Variants in LOXL3 observed in about 807,000 individuals in gnomAD.
The protein encoded by LOXL3 is lysyl oxidase like 3, also known as lysyl oxidase homolog 3.
Under a neutral mutation model 91.8 loss-of-function variants are expected in LOXL3, and 60 were observed. That is an observed-to-expected ratio of 0.65 (90% CI 0.53 to 0.81). The LOEUF (loss-of-function observed/expected upper bound fraction) is 0.81. Among genes scored for constraint, LOXL3 ranks in the 30% least tolerant of loss-of-function variants. LOXL3 has a pLI of 0.00. For missense variants in LOXL3, 874 were observed against 1,000.4 expected, an observed-to-expected ratio of 0.87 and a Z score of 1.70; for synonymous variants, 355 against 387.6, an observed-to-expected ratio of 0.92 and a Z score of 0.99.
At position 74,532,953 on chromosome 2, in the gene LOXL3, A is replaced by G. The variant is rs760055758; in HGVS notation, c.*653T>C. 11 of 1,613,792 alleles carry G rather than the reference A, an allele frequency of 6.8e-6. No homozygotes were observed. The African/African-American group carries it at 1.3e-4, about 20-fold the overall frequency. ...GATCCGGCGGGGACGAGAAACACTG[A>G]CCTTATATGTGACCCCTGAGGTCAC... is the stretch of plus-strand genomic sequence containing the variant. On this transcript the variant is annotated 3_prime_UTR_variant, in exon 14 of 14. Transcript: ENST00000264094.
At chr2:74,534,908 T>G in intron 9 of LOXL3, 134 bp from the exon 10 acceptor site, 1 of 1,063,388 alleles carries the variant, frequency 9.4e-7, no homozygotes, top group Non-Finnish European at 1.3e-6. Flanking sequence ...AGATGGAGTC[T>G]CACTCTGTTG....
chr2:74,534,374 G>A lies in LOXL3; in HGVS notation c.1881C>T (p.Thr627=). 6.2e-7 allele frequency: 1 copy of A among 1,614,236 alleles called. No individual in the cohort carries two copies. The highest frequency in any genetic ancestry group is 8.5e-7 in the Non-Finnish European group (1 of 1,180,032). The change falls in exon 11 of 14, where the codon ACC becomes ACT. Residue 627 remains threonine (T), a synonymous_variant. Transcript: ENST00000264094. The stretch of plus-strand genomic sequence containing the variant: ...TAGCTTTGTGGCCCTCAGCCACCTT[G>A]GTGCCATTTGGGGTGAGGATATCAT... ...THYDILTPNG[T]KVAEGHKASF...
At chr2:74,547,224 G>C (rs909498118) in intron 4 of LOXL3, among the ~76,000 whole-genome samples, 4 of 152,076 alleles carry the variant, frequency 2.6e-5, no homozygotes, top group Non-Finnish European at 4.4e-5. Context: ...TCATTATGTT[G>C]CCCAGGCTGG....
At chr2:74,543,681 A>C (rs1676443213) in intron 4 of LOXL3, among the ~76,000 whole-genome samples, 1 of 151,970 alleles carries the variant, frequency 6.6e-6, no homozygotes, top group South Asian at 2.1e-4. Flanking sequence ...TCCTGAGGTC[A>C]GGAGATCAAG....
rs765772693 is a variant in LOXL3 at position 74,549,403 on chromosome 2, G to A, written c.658C>T (p.Pro220Ser). 2 of 1,611,190 alleles carry A rather than the reference G, an allele frequency of 1.2e-6. No individual in the cohort carries two copies. The highest frequency in any genetic ancestry group is 1.7e-6 in the Non-Finnish European group (2 of 1,178,544). ...SHVVCGMLGF[P>S]SEKRVNAAFY... Reference sequence around the variant, plus strand: ...GCCGCGTTGACCCTCTTTTCGCTGGGGAAGCCCAGCATCCCGCAGACCACG... The same window carrying A: ...GCCGCGTTGACCCTCTTTTCGCTGGAGAAGCCCAGCATCCCGCAGACCACG... The change falls in exon 4 of 14, where the codon CCC becomes TCC. Residue 220 changes from proline to serine, a missense_variant. Pro to Ser is a moderately conservative substitution (Grantham distance 74, BLOSUM62 -1). Coordinates refer to ENST00000264094, the MANE Select transcript of LOXL3 (RefSeq NM_032603.5). This position sits in a 1 kb window ranked among gnomAD's most constrained non-coding sequence, Gnocchi z 5.3.
At chr2:74,540,799 T>C (rs1052868213) in intron 4 of LOXL3, among the ~76,000 whole-genome samples, 4 of 151,320 alleles carry the variant, frequency 2.6e-5, no homozygotes, top group African/African-American at 9.7e-5. Context: ...TCTGAATCGC[T>C]GGGACCACAG....
chr2:74,532,990 A>G lies in LOXL3; in HGVS notation c.*616T>C, dbSNP rs887946675. Reference sequence around the variant, plus strand: ...ACCCCTGAGGTCACAGAATGAATAGATCACCAAGAGTATGAGGCTCCTGCT... The same window carrying G: ...ACCCCTGAGGTCACAGAATGAATAGGTCACCAAGAGTATGAGGCTCCTGCT... On this transcript the variant is annotated 3_prime_UTR_variant, in exon 14 of 14. Transcript: ENST00000264094. The G allele has an allele frequency of 3.7e-6, 6 of 1,613,422 alleles. No individual in the cohort carries two copies. The highest frequency in any genetic ancestry group is 2.7e-5 in the African/African-American group (2 of 74,806).
In LOXL3 at chr2:74,532,272, G is replaced by GT. The variant is rs751913668; in HGVS notation, c.*1333dup. On this transcript the variant is annotated 3_prime_UTR_variant, in exon 14 of 14. Transcript: ENST00000264094. ...AGCCAACCTGATTTCCTACTCCCAT[G>GT]TTTTTTATTTATGCTGTTCTTGTTT... is the stretch of plus-strand genomic sequence containing the variant. 5 of 480,424 alleles carry GT rather than the reference G, an allele frequency of 1.0e-5. No individual in the cohort carries two copies. Among genetic ancestry groups the GT allele is most frequent in the Non-Finnish European group, 1.9e-5 (5 of 264,400 alleles). 29.8% of individuals were successfully genotyped at this position (480,424 alleles called of 1,614,324 possible).
At chr2:74,537,304 G>C (rs1296563934) in intron 4 of LOXL3, among the ~76,000 whole-genome samples, 1 of 152,226 alleles carries the variant, frequency 6.6e-6, no homozygotes, top group Non-Finnish European at 1.5e-5. Context: ...TGGAAGAAAT[G>C]GCCAGGAGGG....
rs191990097 is a variant in LOXL3 at position 74,532,816 on chromosome 2, A to C, written c.*790T>G. 1 of 1,613,892 alleles carries C rather than the reference A, an allele frequency of 6.2e-7. No homozygotes were observed. Among genetic ancestry groups the C allele is most frequent in the African/African-American group, 1.3e-5 (1 of 74,872 alleles). ...CCTTTCTCTCTGTCCATTTTTCTCTATAGGGCTGGTCTGCGGCCTGGTGAT... is the reference window on the plus strand; with the variant it reads ...CCTTTCTCTCTGTCCATTTTTCTCTCTAGGGCTGGTCTGCGGCCTGGTGAT... On this transcript the variant is annotated 3_prime_UTR_variant, in exon 14 of 14. Coordinates refer to ENST00000264094, the MANE Select transcript of LOXL3 (RefSeq NM_032603.5).
rs771328763 is a variant in LOXL3 at position 74,536,455 on chromosome 2, T to G, written c.929A>C (p.Lys310Thr). ...GCCCTCTCCAGGGTGGGCGCCGCCC[T>G]TTAGACGGACACGGGCCTATAGAAG... ...KPQGEARVRLKGGAHPGEGRV... is the reference protein window; with the variant it reads ...KPQGEARVRLTGGAHPGEGRV... The change falls in exon 6 of 14, where the codon AAG becomes ACG. Residue 310 changes from lysine (K) to threonine (T), a missense_variant. Coordinates refer to ENST00000264094, the MANE Select transcript of LOXL3 (RefSeq NM_032603.5). The surrounding 1 kb of genome is among the most constrained non-coding windows in gnomAD (Gnocchi z 4.5). 3.1e-6 allele frequency: 5 copies of G among 1,613,336 alleles called. No homozygotes were observed. The East Asian group carries it at 1.1e-4, about 36-fold the overall frequency.
intron 4 of LOXL3, among the ~76,000 whole-genome samples, chr2:74,543,900 C>CAAAAAAAA (rs960168777): frequency 1.5e-5 from 1 of 65,160 alleles, no homozygotes; most frequent in African/African-American, 5.4e-5. Flanking sequence ...GGCTCTGTCT[C>CAAAAAAAA]AAAAAAAAAA....
intron 4 of LOXL3, among the ~76,000 whole-genome samples, chr2:74,542,518 A>G (rs1676379290): frequency 6.6e-6 from 1 of 151,224 alleles, no homozygotes; most frequent in African/African-American, 2.4e-5. Flanking sequence ...ACTCCTACAC[A>G]TGCACACACA....
At chr2:74,553,123 T>C (rs138239030) in intron 1 of LOXL3, 2,470 of 156,150 alleles carry the variant, frequency 0.016, 27 homozygotes, top group Non-Finnish European at 0.023. Flanking sequence ...AGGAGAGGGA[T>C]TGACAAGAGC....
At chr2:74,533,741 G>A (rs1308127259) in intron 13 of LOXL3, 62 bp from the exon 14 acceptor site, 43 of 1,517,624 alleles carry the variant, frequency 2.8e-5, no homozygotes, top group Non-Finnish European at 3.8e-5. Flanking sequence ...TAGATGCACT[G>A]TGGAGAAGGG....
In LOXL3 at chr2:74,536,037, C is replaced by T. The variant is rs753657092; in HGVS notation, c.1207G>A (p.Gly403Arg). ...GTGTAAGGTAGGTTGCACCGGACCC[C>T]GGCATCCTGGCTATGTGAACAATCC... ...AEDCSHSQDA[G>R]VRCNLPYTGA... The change falls in exon 7 of 14, where the codon GGG (glycine) becomes AGG (arginine). Residue 403 changes from glycine to arginine, a missense_variant. By Grantham distance (125) the Gly-to-Arg change is moderately radical. Coordinates refer to ENST00000264094, the MANE Select transcript of LOXL3 (RefSeq NM_032603.5). This position sits in a 1 kb window ranked among gnomAD's most constrained non-coding sequence, Gnocchi z 4.5. The T allele has an allele frequency of 6.2e-6, 10 of 1,603,512 alleles. No homozygotes were observed. The highest frequency in any genetic ancestry group is 2.2e-5 in the South Asian group (2 of 89,396).
In LOXL3 at chr2:74,535,193, G is replaced by A. The variant is rs1029818503; in HGVS notation, c.1579+99C>T. 5.1e-6 allele frequency: 7 copies of A among 1,377,914 alleles called. No individual in the cohort carries two copies. The highest frequency in any genetic ancestry group is 6.9e-6 in the Non-Finnish European group (7 of 1,018,638). 85.4% of individuals were successfully genotyped at this position (1,377,914 alleles called of 1,614,324 possible). A position where few individuals can be genotyped will look rare whatever the true frequency, so the allele number is the denominator to read the frequency against. ...CACCCGGCGAAACTGGCTCTTTTAT[G>A]GGGAAGAAGTGCCCCTCCAGATTAC... On this transcript the variant is annotated intron_variant, in intron 9 of 13. Coordinates refer to ENST00000264094, the MANE Select transcript of LOXL3 (RefSeq NM_032603.5). The surrounding 1 kb of genome is among the most constrained non-coding windows in gnomAD (Gnocchi z 4.2).
chr2:74,550,855 C>T (rs927075505), intron 2 of LOXL3, among the ~76,000 whole-genome samples: 5 of 151,906 alleles, frequency 3.3e-5, no homozygotes, highest in Admixed American at 6.5e-5. Context: ...ATCCTTTCTT[C>T]ACATCCTTGC....
upstream of LOXL3, chr2:74,555,300 G>A (rs750701771): frequency 6.2e-7 from 1 of 1,614,122 alleles, no homozygotes; most frequent in East Asian, 2.2e-5. This position sits in a 1 kb window ranked among gnomAD's most constrained non-coding sequence, Gnocchi z 6.1. Context: ...GTCTGGCTGA[G>A]TGTGTGAGTG....
Sources: gnomAD v4.1 joint callset for allele counts (sites outside exome capture counted in the v4.1 genomes callset) on GRCh38, gnomAD v4.1.1 for gene constraint, Gnocchi (gnomAD v3.1) non-coding constraint, MANE v1.5 for transcripts, NCBI Gene and HGNC (gene_info 2026-07-23, HGNC 2026-07-21) for gene names.